Variants in NRXN3 observed in about 807,000 individuals in gnomAD.
The protein encoded by NRXN3 is neurexin 3, also known as neurexin III.
NRXN3 carries 32 observed loss-of-function variants against 137.6 expected under a neutral mutation model. That is an observed-to-expected ratio of 0.23 (90% CI 0.18 to 0.31). The LOEUF (loss-of-function observed/expected upper bound fraction) is 0.31, where lower values mean the gene tolerates loss of function less well. Among genes scored for constraint, NRXN3 ranks in the 10% least tolerant of loss-of-function variants. NRXN3 has a pLI of 1.00. For synonymous variants in NRXN3, 798 were observed against 784.5 expected (o/e 1.02, Z -0.29); for missense variants, 1,574 against 2,062.5 (o/e 0.76, Z 4.59).
At chr14:78,444,983 A>G (rs1326619338) in intron 4 of NRXN3, among the ~76,000 whole-genome samples, 1 of 149,044 alleles carries the variant, frequency 6.7e-6, no homozygotes, top group African/African-American at 2.5e-5. Flanking sequence ...GCCACCCAAG[A>G]TATTTAATAC....
chr14:79,087,059 A>C (rs563400394), intron 15 of NRXN3, among the ~76,000 whole-genome samples: 7 of 152,264 alleles, frequency 4.6e-5, no homozygotes, highest in Admixed American at 1.3e-4. Flanking sequence ...AGGAACCCAG[A>C]AGTGGCCAAC....
intron 15 of NRXN3, among the ~76,000 whole-genome samples, chr14:79,094,223 G>A (rs778717345): frequency 2.0e-5 from 3 of 152,092 alleles, no homozygotes; most frequent in Non-Finnish European, 4.4e-5. Flanking sequence ...TAAGCAGTGG[G>A]GTAGAGCTAA....
Position 78,988,115 on chromosome 14 carries a change from C to T in NRXN3, c.3236C>T (p.Ser1079Phe). 1 of 1,613,916 alleles carries T rather than the reference C, an allele frequency of 6.2e-7. No homozygotes were observed. The highest frequency in any genetic ancestry group is 2.2e-5 in the East Asian group (1 of 44,860). The part of the protein sequence containing the change: ...EGFTCDCSMT[S>F]YSGNQCNDPG... ...TTCACCTGTGATTGTTCTATGACCT[C>T]TTATTCTGGAAACCAGTGCAATGAT... Residue 1079 changes from serine to phenylalanine, a missense_variant, in exon 15 of 21, where the codon TCT becomes TTT. Ser to Phe is a radical substitution (Grantham distance 155). This residue lies in a region of NRXN3 where 718 missense variants were observed against 887.6 expected (regional missense o/e 0.81). Coordinates refer to ENST00000335750, the MANE Select transcript of NRXN3 (RefSeq NM_001330195.2).
chr14:79,218,809 A>C (rs1298890861), intron 15 of NRXN3, among the ~76,000 whole-genome samples: 1 of 152,180 alleles, frequency 6.6e-6, no homozygotes, highest in East Asian at 1.9e-4. Flanking sequence ...GGGTAAACAG[A>C]CGACTGATTA....
chr14:79,713,706 A>G (rs1567982070), intron 19 of NRXN3, among the ~76,000 whole-genome samples: 1 of 150,570 alleles, frequency 6.6e-6, no homozygotes, highest in African/African-American at 2.4e-5. Context: ...CAAAATGTTC[A>G]ACTCTTTTTT....
chr14:78,525,800 T>C (rs2096369804), intron 4 of NRXN3, among the ~76,000 whole-genome samples: 1 of 152,212 alleles, frequency 6.6e-6, no homozygotes, highest in African/African-American at 2.4e-5. Context: ...TCCTCCTCGT[T>C]TTGTTCTCCT....
At chr14:79,736,113 C>T (rs1023374277) in intron 19 of NRXN3, among the ~76,000 whole-genome samples, 1 of 152,162 alleles carries the variant, frequency 6.6e-6, no homozygotes, top group African/African-American at 2.4e-5. Flanking sequence ...ATTTCAGTTA[C>T]TAGGTATCCT....
chr14:78,792,487 C>T (rs925266087), intron 8 of NRXN3, among the ~76,000 whole-genome samples: 4 of 151,882 alleles, frequency 2.6e-5, no homozygotes, highest in African/African-American at 7.3e-5. Context: ...AATTAGATCC[C>T]TGAAAGAGAA....
intron 8 of NRXN3, among the ~76,000 whole-genome samples, chr14:78,733,873 C>G (rs779690712): frequency 2.0e-5 from 3 of 152,112 alleles, no homozygotes; most frequent in Non-Finnish European, 4.4e-5. Context: ...GGCTAGCCTT[C>G]AAGGAGCTCA....
At position 78,526,854 on chromosome 14, in the gene NRXN3, C is replaced by T. The variant is rs374307450; in HGVS notation, c.758-118266C>T. On this transcript the variant is annotated intron_variant, in intron 4 of 20. Transcript: ENST00000335750. Reference sequence around the variant, plus strand: ...TCATATTTTCTATGCTTCCTGATATCCAAGTCACCCAGAAATACACCAAAG... The same window carrying T: ...TCATATTTTCTATGCTTCCTGATATTCAAGTCACCCAGAAATACACCAAAG... The T allele has an allele frequency of 7.5e-4, 356 of 471,714 alleles. 1 individual carries two copies. Among genetic ancestry groups the T allele is most frequent in the African/African-American group, 6.2e-3 (316 of 50,750 alleles). The allele number at this position is 471,714 out of a possible 1,614,324, so 29.2% of individuals were successfully genotyped here. A position where few individuals can be genotyped will look rare whatever the true frequency, so the allele number is the denominator to read the frequency against.
chr14:78,559,817 A>G (rs1317217002), intron 4 of NRXN3, among the ~76,000 whole-genome samples: 1 of 152,262 alleles, frequency 6.6e-6, no homozygotes, highest in African/African-American at 2.4e-5. Flanking sequence ...GAGTGAATGC[A>G]GAGGCAGAGG....
At chr14:79,667,081 T>C (rs2098563197) in intron 17 of NRXN3, among the ~76,000 whole-genome samples, 1 of 152,046 alleles carries the variant, frequency 6.6e-6, no homozygotes, top group African/African-American at 2.4e-5. Flanking sequence ...TATTAATAAT[T>C]TAAAGTATCA....
chr14:79,666,506 C>T (rs540794809), intron 17 of NRXN3, among the ~76,000 whole-genome samples: 4 of 152,130 alleles, frequency 2.6e-5, no homozygotes, highest in African/African-American at 9.6e-5. Context: ...TTTTTATTCT[C>T]CATTTCAAAT....
chr14:78,979,066 T>C (rs2099481035), intron 14 of NRXN3, among the ~76,000 whole-genome samples: 1 of 152,100 alleles, frequency 6.6e-6, no homozygotes, highest in Non-Finnish European at 1.5e-5. Context: ...GCCTTTTTCT[T>C]CTATTCAGAA....
At chr14:79,730,054 G>A (rs1568035291) in intron 19 of NRXN3, among the ~76,000 whole-genome samples, 2 of 152,160 alleles carry the variant, frequency 1.3e-5, no homozygotes, top group Non-Finnish European at 2.9e-5. Context: ...CTATCTGGGT[G>A]GAAAGCTTAG....
intron 16 of NRXN3, among the ~76,000 whole-genome samples, chr14:79,578,334 A>G (rs2097684257): frequency 6.6e-6 from 1 of 152,108 alleles, no homozygotes; most frequent in Non-Finnish European, 1.5e-5. Flanking sequence ...GTTGCTGACA[A>G]CAGAGCTCTC....
chr14:78,368,152 C>T (rs370685492), intron 4 of NRXN3, among the ~76,000 whole-genome samples: 1 of 152,166 alleles, frequency 6.6e-6, no homozygotes, highest in Non-Finnish European at 1.5e-5. Context: ...TTAGGCTGGC[C>T]TTCCTTATCC....
At chr14:78,381,496 C>T (rs1280459563) in intron 4 of NRXN3, among the ~76,000 whole-genome samples, 1 of 152,144 alleles carries the variant, frequency 6.6e-6, no homozygotes, top group African/African-American at 2.4e-5. Context: ...AATGGTAAAC[C>T]ACTCTGGAAG....
chr14:79,182,944 A>G (rs2063102601), intron 15 of NRXN3, among the ~76,000 whole-genome samples: 1 of 152,198 alleles, frequency 6.6e-6, no homozygotes, highest in Non-Finnish European at 1.5e-5. Flanking sequence ...ATGGGAAGTG[A>G]CTTTGAGAAA....
Sources: gnomAD v4.1 joint callset for allele counts (sites outside exome capture counted in the v4.1 genomes callset) on GRCh38, gnomAD v4.1.1 for gene constraint, gnomAD v4.1.1 regional missense constraint, MANE v1.5 for transcripts, NCBI Gene and HGNC (gene_info 2026-07-23, HGNC 2026-07-21) for gene names.